Variants in LRMDA observed in about 807,000 individuals in gnomAD.
LRMDA encodes leucine rich melanocyte differentiation associated.
In LRMDA, 18 loss-of-function variants were observed where a neutral mutation model predicts 29.8. The observed-to-expected ratio is 0.60, with a 90% CI of 0.42 to 0.90. The LOEUF (loss-of-function observed/expected upper bound fraction) is 0.90, where lower values mean the gene tolerates loss of function less well. LRMDA is among the 40% of genes least tolerant of loss of function. The pLI is 0.00. For missense variants in LRMDA, 273 were observed against 273.9 expected (o/e 1.00, Z 0.02); for synonymous variants, 125 against 109.4 (o/e 1.14, Z -0.89).
chr10:75,920,468 A>G, intron 2 of LRMDA, among the ~76,000 whole-genome samples: 1 of 152,354 alleles, frequency 6.6e-6, no homozygotes, highest in South Asian at 2.1e-4. Flanking sequence ...CAATATTAGT[A>G]GTCTTGGGAT....
chr10:76,275,913 G>A (rs1073644), intron 5 of LRMDA, among the ~76,000 whole-genome samples: 75,894 of 151,612 alleles, frequency 0.5, 19,255 homozygotes, highest in South Asian at 0.6. Context: ...TTGTTTTCCT[G>A]TTTTCCAGGT....
rs552509558 is a variant in LRMDA at position 75,862,406 on chromosome 10, C to A, written c.132-173602C>A. Among the ~76,000 whole-genome samples, 20 of 152,244 alleles carry A rather than the reference C, an allele frequency of 1.3e-4. No individual in the cohort carries two copies. The South Asian group carries it at 4.2e-3, about 32-fold the overall frequency. On this transcript the variant is annotated intron_variant, in intron 2 of 6. Coordinates refer to ENST00000611255, the MANE Select transcript of LRMDA (RefSeq NM_001305581.2). ...AAGAAAAAGGTAGTGAAAGAACTAC[C>A]TGTTTTCCCATTAGGGCACAGTCCC...
At chr10:76,299,649 T>C (rs1265531799) in intron 5 of LRMDA, among the ~76,000 whole-genome samples, 1 of 151,558 alleles carries the variant, frequency 6.6e-6, no homozygotes, top group Admixed American at 6.6e-5. Flanking sequence ...GACAGTTGTT[T>C]CCTGCAGAAT....
chr10:76,326,045 G>A (rs746845607), intron 6 of LRMDA, among the ~76,000 whole-genome samples: 5 of 152,174 alleles, frequency 3.3e-5, no homozygotes, highest in Non-Finnish European at 5.9e-5. Context: ...AGCCAACACA[G>A]ACATCTCAAT....
chr10:75,695,236 AT>A (rs1297641389), intron 2 of LRMDA, among the ~76,000 whole-genome samples: 1 of 152,074 alleles, frequency 6.6e-6, no homozygotes, highest in Non-Finnish European at 1.5e-5. Context: ...AAAAAATAAC[AT>A]TTTTTAAAGG....
intron 6 of LRMDA, among the ~76,000 whole-genome samples, chr10:76,431,051 C>T (rs1842185306): frequency 6.6e-6 from 1 of 152,094 alleles, no homozygotes; most frequent in Non-Finnish European, 1.5e-5. Context: ...TGAAATTTTA[C>T]AAGTGGAGCT....
intron 2 of LRMDA, among the ~76,000 whole-genome samples, chr10:75,557,329 A>AC (rs1227678428): frequency 6.6e-6 from 1 of 151,532 alleles, no homozygotes; most frequent in East Asian, 1.9e-4. Context: ...AAAAAAAAAA[A>AC]AAGTAAAATG....
At chr10:75,802,358 C>CAT in intron 2 of LRMDA, among the ~76,000 whole-genome samples, 1 of 149,242 alleles carries the variant, frequency 6.7e-6, no homozygotes, top group African/African-American at 2.5e-5. Flanking sequence ...CACACACACA[C>CAT]ACACACACAA....
chr10:75,825,752 G>A (rs1284597429), intron 2 of LRMDA, among the ~76,000 whole-genome samples: 1 of 152,132 alleles, frequency 6.6e-6, no homozygotes, highest in Non-Finnish European at 1.5e-5. Flanking sequence ...GCATCTTTTC[G>A]ATCTTCTCTT....
intron 2 of LRMDA, among the ~76,000 whole-genome samples, chr10:75,895,956 C>G (rs1845574058): frequency 6.6e-6 from 1 of 152,158 alleles, no homozygotes; most frequent in Admixed American, 6.5e-5. Flanking sequence ...TCTTACTAAC[C>G]TGTGACCTAG....
At chr10:75,902,965 G>T (rs1382808594) in intron 2 of LRMDA, among the ~76,000 whole-genome samples, 4 of 152,166 alleles carry the variant, frequency 2.6e-5, no homozygotes, top group African/African-American at 9.7e-5. Flanking sequence ...TAAATGGAGA[G>T]TCTGGCAGGG....
chr10:76,354,708 C>T (rs1443159300), intron 6 of LRMDA, among the ~76,000 whole-genome samples: 1 of 152,214 alleles, frequency 6.6e-6, no homozygotes, highest in East Asian at 1.9e-4. Flanking sequence ...AATCATTGTA[C>T]ATATCTATGC....
intron 2 of LRMDA, among the ~76,000 whole-genome samples, chr10:75,529,704 A>G (rs1369277050): frequency 1.3e-5 from 2 of 152,230 alleles, no homozygotes; most frequent in African/African-American, 4.8e-5. Context: ...TTGAATTATC[A>G]GTAGAGAATT....
intron 6 of LRMDA, among the ~76,000 whole-genome samples, chr10:76,334,809 G>C (rs939435506): frequency 2.0e-5 from 3 of 152,126 alleles, no homozygotes; most frequent in Non-Finnish European, 4.4e-5. Flanking sequence ...CTCAACCATG[G>C]TTTTCATGAG....
At chr10:75,503,488 C>T (rs1328582036) in intron 2 of LRMDA, among the ~76,000 whole-genome samples, 1 of 151,584 alleles carries the variant, frequency 6.6e-6, no homozygotes, top group Admixed American at 6.6e-5. Flanking sequence ...ATTTAGTTTT[C>T]TTGCTTTATA....
chr10:75,969,141 T>G (rs1031490881), intron 2 of LRMDA, among the ~76,000 whole-genome samples: 2 of 152,192 alleles, frequency 1.3e-5, no homozygotes. Context: ...GTGAATCTGG[T>G]GCTTCCCTAG....
At chr10:75,905,541 CA>C (rs879522237) in intron 2 of LRMDA, among the ~76,000 whole-genome samples, 140 of 141,842 alleles carry the variant, frequency 9.9e-4, no homozygotes, top group African/African-American at 1.0e-3. Flanking sequence ...ACATGTATAC[CA>C]AAAAAAAAAA....
At chr10:75,702,019 G>A (rs1017533313) in intron 2 of LRMDA, among the ~76,000 whole-genome samples, 1 of 152,086 alleles carries the variant, frequency 6.6e-6, no homozygotes, top group Admixed American at 6.6e-5. Flanking sequence ...CTGGGCCCTT[G>A]CACATGCCAT....
chr10:76,291,264 C>G (rs1409457475), intron 5 of LRMDA, among the ~76,000 whole-genome samples: 2 of 152,200 alleles, frequency 1.3e-5, no homozygotes, highest in African/African-American at 4.8e-5. Flanking sequence ...AACACAGACA[C>G]TTCATCTTTA....
Sources: gnomAD v4.1 joint callset for allele counts (sites outside exome capture counted in the v4.1 genomes callset) on GRCh38, gnomAD v4.1.1 for gene constraint, MANE v1.5 for transcripts, NCBI Gene and HGNC (gene_info 2026-07-23, HGNC 2026-07-21) for gene names.